SNX27: variants seen among roughly 807,000 people sequenced by gnomAD.
SNX27 encodes the protein sorting nexin 27, also known as sorting nexin-27.
Under a neutral mutation model 71.6 loss-of-function variants are expected in SNX27, and 22 were observed. That is an observed-to-expected ratio of 0.31 (90% CI 0.22 to 0.44). The LOEUF (loss-of-function observed/expected upper bound fraction) is 0.44, where lower values mean the gene tolerates loss of function less well. Ranked by LOEUF, SNX27 falls within the 20% of genes least tolerant of loss-of-function variation. The probability of loss-of-function intolerance (pLI) is 1.00; values close to 1 mark genes in which losing one functional copy is unlikely to be tolerated. For synonymous variants in SNX27, 269 were observed against 277.2 expected (o/e 0.97, Z 0.29); for missense variants, 531 against 698.6 (o/e 0.76, Z 2.70).
At chr1:151,636,400 A>G (rs1405632409) in intron 1 of SNX27, among the ~76,000 whole-genome samples, 1 of 152,146 alleles carries the variant, frequency 6.6e-6, no homozygotes, top group Non-Finnish European at 1.5e-5. Context: ...TCCCAGGCTC[A>G]GGTGTTCTTC....
intron 3 of SNX27, chr1:151,659,482 G>A (rs1669860789): frequency 6.6e-6 from 1 of 152,308 alleles, no homozygotes; most frequent in East Asian, 1.9e-4. Context: ...CCTGACCTCA[G>A]GTGATCCGCC....
chr1:151,693,131 T>G, intron 10 of SNX27, 92 bp downstream of exon 10: 1 of 1,508,476 alleles, frequency 6.6e-7, no homozygotes, highest in Non-Finnish European at 9.0e-7. Context: ...GAGATAGAGC[T>G]AGTAGTTGTC....
At chr1:151,644,095 C>T (rs1668913354) in intron 2 of SNX27, among the ~76,000 whole-genome samples, 1 of 152,196 alleles carries the variant, frequency 6.6e-6, no homozygotes. Flanking sequence ...AATTTCATTC[C>T]TTTTCTCAAG....
At chr1:151,671,252 T>TC (rs1201227801) in intron 7 of SNX27, among the ~76,000 whole-genome samples, 21 of 148,920 alleles carry the variant, frequency 1.4e-4, no homozygotes, top group Admixed American at 1.4e-3. Context: ...TTTTTTTTTT[T>TC]CCAGAGACAG....
At chr1:151,680,420 T>C (rs1670888967) in intron 7 of SNX27, 1 of 152,166 alleles carries the variant, frequency 6.6e-6, no homozygotes, top group Non-Finnish European at 1.5e-5. Flanking sequence ...CCTCCCAAAA[T>C]GATGGGATTG....
rs370327658 is a variant in SNX27, at chr1:151,685,680, TCAACAA to T, written c.1239+2251_1239+2256del. Among the ~76,000 whole-genome samples, 15 of 152,120 alleles carry T rather than the reference TCAACAA, an allele frequency of 9.9e-5. No individual in the cohort carries two copies. In the East Asian group the frequency reaches 1.9e-3, roughly 20 times the overall value. On this transcript the variant is annotated intron_variant, in intron 8 of 11. Coordinates refer to ENST00000458013, the MANE Select transcript of SNX27 (RefSeq NM_001330723.2). ...CTGGAAAACACAGTGAGACTCCGTC[TCAACAA>T]CAACAACAACAACAAAAAATGCAAA...
At chr1:151,656,016 G>T (rs896475705) in intron 2 of SNX27, among the ~76,000 whole-genome samples, 1 of 152,086 alleles carries the variant, frequency 6.6e-6, no homozygotes, top group Non-Finnish European at 1.5e-5. Flanking sequence ...GAGCTCAAGA[G>T]ATCCAGACCA....
chr1:151,668,939 A>G (rs1298066520), intron 7 of SNX27, among the ~76,000 whole-genome samples: 1 of 152,192 alleles, frequency 6.6e-6, no homozygotes. Flanking sequence ...ATACATACAT[A>G]GAGTTTAAAG....
chr1:151,634,706 A>G (rs1205333947), intron 1 of SNX27, among the ~76,000 whole-genome samples: 1 of 152,102 alleles, frequency 6.6e-6, no homozygotes, highest in Non-Finnish European at 1.5e-5. Flanking sequence ...TTTTCATCTT[A>G]TTTGTGGATT....
At chr1:151,613,315 C>T (rs74660944) in intron 1 of SNX27, 2,580 of 153,124 alleles carry the variant, frequency 0.017, 34 homozygotes, top group Non-Finnish European at 0.028. Context: ...CAGCACACCC[C>T]TCTGAGAGCA....
chr1:151,689,226 G>A (rs1373836505), intron 8 of SNX27, among the ~76,000 whole-genome samples: 1 of 152,174 alleles, frequency 6.6e-6, no homozygotes, highest in African/African-American at 2.4e-5. Flanking sequence ...GAGAAGTGAA[G>A]TCTGAGAGAT....
chr1:151,638,712 C>G, intron 1 of SNX27, 176 bp from the exon 2 acceptor site: 2 of 635,126 alleles, frequency 3.1e-6, no homozygotes, highest in Non-Finnish European at 5.5e-6. Context: ...CATAAGTTCA[C>G]AAAGTTTTTC....
chr1:151,645,095 G>A (rs1030699324), intron 2 of SNX27, among the ~76,000 whole-genome samples: 2 of 151,246 alleles, frequency 1.3e-5, no homozygotes, highest in Non-Finnish European at 2.9e-5. Flanking sequence ...CCCTTGACCA[G>A]GGTCAAGGTT....
At chr1:151,651,334 C>T (rs1489208937) in intron 2 of SNX27, among the ~76,000 whole-genome samples, 7 of 149,512 alleles carry the variant, frequency 4.7e-5, no homozygotes, top group Admixed American at 6.6e-5. Context: ...GGGGGCTGAC[C>T]CCCCCCACCT....
intron 1 of SNX27, among the ~76,000 whole-genome samples, chr1:151,631,082 G>A (rs1253133496): frequency 1.1e-4 from 17 of 152,200 alleles, no homozygotes; most frequent in Admixed American, 1.1e-3. Flanking sequence ...TAGCAAGGAG[G>A]CAGAGTTAGA....
intron 2 of SNX27, among the ~76,000 whole-genome samples, chr1:151,654,545 T>TAAG (rs1276292186): frequency 6.6e-6 from 1 of 152,146 alleles, no homozygotes; most frequent in Non-Finnish European, 1.5e-5. Context: ...AGTGGATCTT[T>TAAG]GCCTGTGCAC....
Position 151,668,648 on chromosome 1 carries a change from A to T in SNX27, c.1149+13A>T. 1 of 1,606,724 alleles carries T rather than the reference A, an allele frequency of 6.2e-7. No individual in the cohort carries two copies. The highest frequency in any genetic ancestry group is 8.5e-7 in the Non-Finnish European group (1 of 1,177,320). The stretch of plus-strand genomic sequence containing the variant: ...CTTCTTTCATCAGGTAGGTGAATTG[A>T]TCTTCTTGAAAGGCACAATTTCTTT... On this transcript the variant is annotated intron_variant, in intron 7 of 11. Coordinates refer to ENST00000458013, the MANE Select transcript of SNX27 (RefSeq NM_001330723.2).
At chr1:151,624,735 T>A (rs1169410339) in intron 1 of SNX27, among the ~76,000 whole-genome samples, 1 of 152,096 alleles carries the variant, frequency 6.6e-6, no homozygotes, top group Non-Finnish European at 1.5e-5. Context: ...CCCGGCCAGC[T>A]TGATTATATT....
At chr1:151,645,829 T>C (rs563857457) in intron 2 of SNX27, among the ~76,000 whole-genome samples, 2 of 152,344 alleles carry the variant, frequency 1.3e-5, no homozygotes, top group African/African-American at 4.8e-5. Flanking sequence ...CTGTGCATCA[T>C]TGCTCCATGT....
Sources: allele counts gnomAD v4.1 joint callset (sites outside exome capture counted in the v4.1 genomes callset), GRCh38; gene constraint gnomAD v4.1.1; transcripts MANE v1.5; gene names NCBI Gene and HGNC (gene_info 2026-07-23, HGNC 2026-07-21).